SLC28A2: variants seen among roughly 807,000 people sequenced by gnomAD.
SLC28A2 encodes sodium/nucleoside cotransporter 2.
A neutral mutation model predicts 72.9 loss-of-function variants in SLC28A2; 69 were observed. The observed-to-expected ratio is 0.95, with a 90% confidence interval of 0.78 to 1.16. SLC28A2 has a LOEUF of 1.16. SLC28A2 is among the 50% of genes most tolerant of loss of function. The pLI, the probability that SLC28A2 is intolerant of heterozygous loss-of-function variation, is 0.00. For missense variants in SLC28A2, 745 were observed against 791.1 expected (o/e 0.94, Z 0.70); for synonymous variants, 296 against 294.1 (o/e 1.01, Z -0.07).
rs545612478 is a variant in SLC28A2 at position 45,268,293 on chromosome 15, T to G, written c.1283T>G (p.Ile428Ser). 1.9e-5 allele frequency: 30 copies of G among 1,612,996 alleles called. No homozygotes were observed. The highest frequency in any genetic ancestry group is 2.5e-5 in the Non-Finnish European group (30 of 1,179,034). The change falls in exon 13 of 18, where the codon ATT (isoleucine) becomes AGT (serine). Residue 428 changes from isoleucine (I) to serine (S), a missense_variant. Coordinates refer to ENST00000347644, the MANE Select transcript of SLC28A2 (RefSeq NM_004212.4). ...GCTACTAATGTAGCAGCCAACCTGA[T>G]TGCCTTTTTGGCTGTGTTGGCCTTC... ...GLATNVAANLIAFLAVLAFIN... is the reference protein window; with the variant it reads ...GLATNVAANLSAFLAVLAFIN...
At chr15:45,272,132 C>A (rs1900591805) in intron 15 of SLC28A2, 163 bp from the exon 16 acceptor site, 2 of 602,534 alleles carry the variant, frequency 3.3e-6, no homozygotes, top group South Asian at 4.0e-5. Flanking sequence ...TGTATACACA[C>A]ACTTCTTAGG....
Position 45,277,805 on chromosome 15 carries a change from G to A in SLC28A2, c.*2292G>A, listed in dbSNP as rs1240657118. The A allele has an allele frequency of 6.6e-6, 1 of 150,522 alleles. No homozygotes were observed. The highest frequency in any genetic ancestry group is 6.6e-5 in the Admixed American group (1 of 15,038). 9.3% of individuals were successfully genotyped at this position (150,522 alleles called of 1,614,324 possible). On this transcript the variant is annotated 3_prime_UTR_variant, in exon 18 of 18. Transcript: ENST00000347644. ...TGTTCACTTTAAAATGGCTGTTTAT[G>A]TTATGTGAATTTCACCTCAATAAAA... is the stretch of plus-strand genomic sequence containing the variant.
At chr15:45,265,506 T>G in intron 8 of SLC28A2, 77 bp from the exon 9 acceptor site, 1 of 1,011,176 alleles carries the variant, frequency 9.9e-7, no homozygotes, top group Non-Finnish European at 1.6e-6. Flanking sequence ...CTTGGAATGC[T>G]AAGAGCTTAA....
At chr15:45,273,175 TA>T (rs1024136173) in intron 17 of SLC28A2, among the ~76,000 whole-genome samples, 2 of 151,982 alleles carry the variant, frequency 1.3e-5, no homozygotes, top group South Asian at 2.1e-4. Context: ...TTATATTAAT[TA>T]AAAAAAAGAA....
At chr15:45,272,913 T>C in intron 17 of SLC28A2, 129 bp downstream of exon 17, 1 of 592,742 alleles carries the variant, frequency 1.7e-6, no homozygotes, top group Non-Finnish European at 3.1e-6. Context: ...TGTTCTTTTC[T>C]CTTATTGGGT....
intron 4 of SLC28A2, among the ~76,000 whole-genome samples, chr15:45,262,438 CCTTA>C (rs1309115484): frequency 6.6e-6 from 1 of 151,992 alleles, no homozygotes; most frequent in Non-Finnish European, 1.5e-5. Flanking sequence ...CTGTATTATA[CCTTA>C]CTTATTTGCT....
At chr15:45,268,714 A>C (rs1900427889) in intron 13 of SLC28A2, among the ~76,000 whole-genome samples, 1 of 152,130 alleles carries the variant, frequency 6.6e-6, no homozygotes, top group African/African-American at 2.4e-5. Context: ...AGACACATGC[A>C]CACGTATGTT....
At chr15:45,255,891 A>C (rs984580320) in intron 3 of SLC28A2, 1 of 152,182 alleles carries the variant, frequency 6.6e-6, no homozygotes, top group African/African-American at 2.4e-5. Context: ...AAAATGTAAC[A>C]ATCACTTCTC....
chr15:45,268,062 A>T, intron 12 of SLC28A2, 148 bp from the exon 13 acceptor site: 1 of 777,880 alleles, frequency 1.3e-6, no homozygotes, highest in South Asian at 1.8e-5. Context: ...AGTAATTTCC[A>T]CTAATAGGGT....
intron 3 of SLC28A2, 93 bp downstream of exon 3, chr15:45,253,613 C>A: frequency 1.4e-6 from 1 of 698,756 alleles, no homozygotes; most frequent in South Asian, 1.7e-5. Context: ...ACCGCTCCAC[C>A]TTACCATGTG....
chr15:45,269,650 C>A, intron 14 of SLC28A2, 115 bp downstream of exon 14: 1 of 844,114 alleles, frequency 1.2e-6, no homozygotes, highest in South Asian at 1.6e-5. Context: ...TTTCTGGGGT[C>A]GCAGGCCTAA....
intron 2 of SLC28A2, 45 bp downstream of exon 2, chr15:45,253,341 C>T (rs759480014): frequency 6.5e-6 from 10 of 1,548,742 alleles, no homozygotes; most frequent in South Asian, 4.5e-5. Context: ...TGGGCTGCTG[C>T]ATGGGCTCCT....
Position 45,275,795 on chromosome 15 carries a change from A to T in SLC28A2, c.*282A>T. 1 of 218,870 alleles carries T rather than the reference A, an allele frequency of 4.6e-6. No individual in the cohort carries two copies. Among genetic ancestry groups the T allele is most frequent in the Admixed American group, 5.4e-5 (1 of 18,552 alleles). 13.6% of individuals were successfully genotyped at this position (218,870 alleles called of 1,614,324 possible). A position where few individuals can be genotyped will look rare whatever the true frequency, so the allele number is the denominator to read the frequency against. ...CTAAAAATACAAAAAATTAGCCGGG[A>T]GTGGTGTCGGGCGACTGTAGTCCCA... On this transcript the variant is annotated 3_prime_UTR_variant, in exon 18 of 18. Coordinates refer to ENST00000347644, the MANE Select transcript of SLC28A2 (RefSeq NM_004212.4).
At position 45,269,405 on chromosome 15, in the gene SLC28A2, T is replaced by C. The variant is rs140528116; in HGVS notation, c.1436T>C (p.Met479Thr). 1.4e-4 allele frequency: 220 copies of C among 1,613,994 alleles called. No individual in the cohort carries two copies. The African/African-American group carries it at 2.7e-3, about 20-fold the overall frequency. The change falls in exon 14 of 18, where the codon ATG becomes ACG. Residue 479 changes from methionine (M) to threonine (T), a missense_variant. Physicochemically the swap from Met to Thr is moderately conservative, Grantham distance 81. Coordinates refer to ENST00000347644, the MANE Select transcript of SLC28A2 (RefSeq NM_004212.4). The stretch of plus-strand genomic sequence containing the variant: ...GGTGTAGAGTGGACAGACTGTCCAA[T>C]GGTGGCTGAGATGGTGGGAATCAAG... ...MMGVEWTDCP[M>T]VAEMVGIKFF...
intron 15 of SLC28A2, 83 bp downstream of exon 15, chr15:45,270,359 A>C: frequency 2.1e-6 from 2 of 937,232 alleles, no homozygotes; most frequent in South Asian, 2.6e-5. Flanking sequence ...GCTTCAGTAC[A>C]AGCTGGGATC....
intron 7 of SLC28A2, 136 bp from the exon 8 acceptor site, chr15:45,264,953 G>A: frequency 1.3e-6 from 1 of 775,032 alleles, no homozygotes; most frequent in Non-Finnish European, 2.2e-6. Context: ...GACATAGCCT[G>A]CCCCTGGGCT....
chr15:45,262,324 A>C (rs1050662277), intron 4 of SLC28A2, among the ~76,000 whole-genome samples: 5 of 152,186 alleles, frequency 3.3e-5, no homozygotes, highest in African/African-American at 1.2e-4. Flanking sequence ...TCAAAAGTGT[A>C]CTATTTGATG....
In SLC28A2 at chr15:45,265,731, T is replaced by A. The variant is rs1900312003; in HGVS notation, c.861+68T>A. On this transcript the variant is annotated intron_variant, in intron 9 of 17. Coordinates refer to ENST00000347644, the MANE Select transcript of SLC28A2 (RefSeq NM_004212.4). Reference sequence around the variant, plus strand: ...CTGTCATCAGTCAGCTTTGGAAAAATGCCCATAGCTAAGGTCTAGAGTGTT... The same window carrying A: ...CTGTCATCAGTCAGCTTTGGAAAAAAGCCCATAGCTAAGGTCTAGAGTGTT... The A allele has an allele frequency of 2.1e-5, 22 of 1,054,916 alleles. 1 individual carries two copies. In the South Asian group the frequency reaches 2.8e-4, roughly 13 times the overall value. The allele number at this position is 1,054,916 out of a possible 1,614,324, so 65.3% of individuals were successfully genotyped here. A position where few individuals can be genotyped will look rare whatever the true frequency, so the allele number is the denominator to read the frequency against.
In SLC28A2 at chr15:45,270,171, CTTAT is replaced by C. The variant is rs778670368; in HGVS notation, c.1567-17_1567-14del. 1 of 1,547,994 alleles carries C rather than the reference CTTAT, an allele frequency of 6.5e-7. No homozygotes were observed. The highest frequency in any genetic ancestry group is 8.9e-7 in the Non-Finnish European group (1 of 1,120,008). On this transcript the variant is annotated intron_variant, in intron 14 of 17. Coordinates refer to ENST00000347644, the MANE Select transcript of SLC28A2 (RefSeq NM_004212.4). The stretch of plus-strand genomic sequence containing the variant: ...GCACGCATGGGACTGAATTTATTTG[CTTAT>C]TTATTTTTGTTTTCCCTAGGTGAGA...
Sources: allele counts gnomAD v4.1 joint callset (sites outside exome capture counted in the v4.1 genomes callset), GRCh38; gene constraint gnomAD v4.1.1; transcripts MANE v1.5; gene names NCBI Gene and HGNC (gene_info 2026-07-23, HGNC 2026-07-21).